The following VEPH1 variants were observed in gnomAD, a reference collection of about 807,000 sequenced individuals.
VEPH1 encodes ventricular zone-expressed PH domain-containing protein homolog 1.
A neutral mutation model predicts 85.2 loss-of-function variants in VEPH1; 80 were observed. The observed-to-expected ratio is 0.94, with a 90% CI of 0.78 to 1.13. VEPH1 has a LOEUF of 1.13. Among genes scored for constraint, VEPH1 ranks in the 50% most tolerant of loss-of-function variants. The pLI, the probability that VEPH1 is intolerant of heterozygous loss-of-function variation, is 0.00. For synonymous variants in VEPH1, 297 were observed against 348.0 expected (o/e 0.85, Z 1.63); for missense variants, 955 against 980.5 (o/e 0.97, Z 0.35).
chr3:157,464,489 G>A (rs1051403063), intron 3 of VEPH1, among the ~76,000 whole-genome samples: 5 of 152,200 alleles, frequency 3.3e-5, no homozygotes, highest in African/African-American at 1.2e-4. Context: ...GCTTCTCAGT[G>A]CAGATGTGAG....
chr3:157,402,238 T>G (rs973570155), intron 6 of VEPH1, among the ~76,000 whole-genome samples: 2 of 152,156 alleles, frequency 1.3e-5, no homozygotes, highest in African/African-American at 4.8e-5. Context: ...TGCCCCTCTA[T>G]CACTCTCTTA....
intron 9 of VEPH1, among the ~76,000 whole-genome samples, chr3:157,341,160 A>G (rs1161102745): frequency 1.3e-5 from 2 of 152,250 alleles, no homozygotes; most frequent in Non-Finnish European, 2.9e-5. Context: ...CAGCAATGGA[A>G]CAAAGCTGGA....
At position 157,353,875 on chromosome 3, in the gene VEPH1, G is replaced by A. The variant is rs539989456; in HGVS notation, c.1735+9489C>T. ...GTTTCGCAAGTCCCTGGAGTGTGCT[G>A]GCATGTAGTAGGCACTCAAAAATTT... On this transcript the variant is annotated intron_variant, in intron 9 of 13. Coordinates refer to ENST00000362010, the MANE Select transcript of VEPH1 (RefSeq NM_001167912.2). Among the ~76,000 whole-genome samples the A allele has an allele frequency of 1.7e-4, 26 of 152,162 alleles. 2 individuals carry two copies. The highest frequency in any genetic ancestry group is 1.7e-3 in the Admixed American group (26 of 15,272).
At position 157,304,020 on chromosome 3, in the gene VEPH1, T is replaced by TA. The variant is rs1265332377; in HGVS notation, c.2010+9600_2010+9601insT. On this transcript the variant is annotated intron_variant, in intron 11 of 13. Coordinates refer to ENST00000362010, the MANE Select transcript of VEPH1 (RefSeq NM_001167912.2). ...TAGACTTAAATTTCTCATCTTATAT[T>TA]TTTTATATATATATATATACACACA... is the stretch of plus-strand genomic sequence containing the variant. Among the ~76,000 whole-genome samples the TA allele has an allele frequency of 7.9e-4, 65 of 82,174 alleles. 1 individual carries two copies. Among genetic ancestry groups the TA allele is most frequent in the South Asian group, 3.2e-3 (6 of 1,904 alleles). 53.9% of individuals were successfully genotyped at this position (82,174 alleles called of 152,430 possible). A position where few individuals can be genotyped will look rare whatever the true frequency, so the allele number is the denominator to read the frequency against.
At chr3:157,308,491 T>C (rs958978289) in intron 11 of VEPH1, among the ~76,000 whole-genome samples, 13 of 152,048 alleles carry the variant, frequency 8.5e-5, no homozygotes, top group Admixed American at 7.9e-4. Flanking sequence ...TTATCTGCAT[T>C]AATTCTTTCC....
rs148481214 is a variant in VEPH1 at position 157,393,103 on chromosome 3, T to G, written c.907-11727A>C. Among the ~76,000 whole-genome samples, 711 of 152,316 alleles carry G rather than the reference T, an allele frequency of 4.7e-3. 5 individuals carry two copies. The highest frequency in any genetic ancestry group is 7.5e-3 in the Admixed American group (115 of 15,306). ...TTAACCAGACATTGTTGTACCTATA[T>G]GCACTACCTGGATCTGGGCAGTTAT... is the stretch of plus-strand genomic sequence containing the variant. On this transcript the variant is annotated intron_variant, in intron 6 of 13. Transcript: ENST00000362010.
intron 4 of VEPH1, among the ~76,000 whole-genome samples, chr3:157,456,133 G>A (rs908975791): frequency 6.6e-6 from 1 of 152,040 alleles, no homozygotes. Context: ...CAGTAATGTT[G>A]AGTTTTTTTC....
At chr3:157,277,911 T>C (rs530177734) in intron 12 of VEPH1, among the ~76,000 whole-genome samples, 27 of 152,082 alleles carry the variant, frequency 1.8e-4, no homozygotes, top group Non-Finnish European at 3.5e-4. Flanking sequence ...GTAAAATGAG[T>C]CATTGTTAAT....
rs150612984 is a variant in VEPH1, at chr3:157,396,363, C to T, written c.907-14987G>A. Reference sequence around the variant, plus strand: ...CATTGATGGGCATTTGTGTTGATTCCATGTCTTTGCTATTGTGAATAGTGC... The same window carrying T: ...CATTGATGGGCATTTGTGTTGATTCTATGTCTTTGCTATTGTGAATAGTGC... On this transcript the variant is annotated intron_variant, in intron 6 of 13. Coordinates refer to ENST00000362010, the MANE Select transcript of VEPH1 (RefSeq NM_001167912.2). Among the ~76,000 whole-genome samples the T allele has an allele frequency of 3.9e-3, 595 of 152,216 alleles. 4 individuals carry two copies. Among genetic ancestry groups the T allele is most frequent in the African/African-American group, 0.014 (575 of 41,518 alleles).
intron 4 of VEPH1, among the ~76,000 whole-genome samples, chr3:157,438,784 G>T (rs1733886995): frequency 6.6e-6 from 1 of 152,184 alleles, no homozygotes; most frequent in African/African-American, 2.4e-5. Context: ...AGAAATAGAA[G>T]ATTTGGAGCC....
intron 4 of VEPH1, among the ~76,000 whole-genome samples, chr3:157,454,205 T>C (rs1413997549): frequency 1.3e-5 from 2 of 152,212 alleles, no homozygotes; most frequent in Non-Finnish European, 2.9e-5. Flanking sequence ...ATTGCTTTTA[T>C]GGGCTTTAAG....
intron 11 of VEPH1, among the ~76,000 whole-genome samples, chr3:157,287,935 G>T (rs2108380118): frequency 6.6e-6 from 1 of 152,274 alleles, no homozygotes; most frequent in South Asian, 2.1e-4. Flanking sequence ...TTTCCTCCAA[G>T]TGGTTGAGTA....
intron 6 of VEPH1, among the ~76,000 whole-genome samples, chr3:157,384,547 A>G (rs1729095539): frequency 6.6e-6 from 1 of 152,218 alleles, no homozygotes; most frequent in Non-Finnish European, 1.5e-5. Context: ...TCTTTAAAGC[A>G]TGTGTCTTTT....
intron 5 of VEPH1, among the ~76,000 whole-genome samples, 157 bp from the exon 6 acceptor site, chr3:157,414,247 C>A (rs1731734414): frequency 6.6e-6 from 1 of 152,108 alleles, no homozygotes; most frequent in African/African-American, 2.4e-5. Flanking sequence ...GCAAATCTCC[C>A]AAGTTTAGAA....
intron 6 of VEPH1, among the ~76,000 whole-genome samples, chr3:157,404,693 G>A (rs1034372203): frequency 1.3e-5 from 2 of 152,132 alleles, no homozygotes; most frequent in African/African-American, 4.8e-5. Context: ...CCATGGGACA[G>A]CATTCATTCC....
chr3:157,327,678 C>T (rs941941322), intron 9 of VEPH1, among the ~76,000 whole-genome samples: 1 of 151,920 alleles, frequency 6.6e-6, no homozygotes, highest in Non-Finnish European at 1.5e-5. Context: ...CATGTGAGGG[C>T]GAAATCAAAT....
At chr3:157,351,841 G>A (rs774284051) in intron 9 of VEPH1, among the ~76,000 whole-genome samples, 31 of 152,126 alleles carry the variant, frequency 2.0e-4, no homozygotes, top group African/African-American at 2.7e-4. Context: ...TTGGGGTGGC[G>A]GGCTGACCTG....
chr3:157,331,558 T>G (rs1241470317), intron 9 of VEPH1, among the ~76,000 whole-genome samples: 1 of 152,142 alleles, frequency 6.6e-6, no homozygotes, highest in Admixed American at 6.6e-5. Flanking sequence ...AGAAATTGGA[T>G]TTAACTCTTC....
intron 9 of VEPH1, among the ~76,000 whole-genome samples, chr3:157,334,491 G>A (rs1722782052): frequency 6.6e-6 from 1 of 152,128 alleles, no homozygotes; most frequent in Admixed American, 6.6e-5. Flanking sequence ...GTAACAACAT[G>A]AACAGCCATT....
Sources: gnomAD v4.1 joint callset for allele counts (sites outside exome capture counted in the v4.1 genomes callset) on GRCh38, gnomAD v4.1.1 for gene constraint, MANE v1.5 for transcripts, NCBI Gene and HGNC (gene_info 2026-07-23, HGNC 2026-07-21) for gene names.